Variants in ZNF385D observed in about 807,000 individuals in gnomAD.
ZNF385D encodes the protein zinc finger protein 385D, also known as zinc finger protein 659.
ZNF385D carries 15 observed loss-of-function variants against 35.8 expected under a neutral mutation model. That is an observed-to-expected ratio of 0.42 (90% CI 0.28 to 0.64). ZNF385D has a LOEUF of 0.64. Among genes scored for constraint, ZNF385D ranks in the 30% least tolerant of loss-of-function variants. ZNF385D has a pLI of 0.23. For missense variants in ZNF385D, 474 were observed against 494.6 expected (o/e 0.96, Z 0.39); for synonymous variants, 212 against 186.8 (o/e 1.13, Z -1.10).
intron 3 of ZNF385D, among the ~76,000 whole-genome samples, chr3:21,839,812 AT>A (rs1695553871): frequency 6.6e-6 from 1 of 151,848 alleles, no homozygotes; most frequent in South Asian, 2.1e-4. Context: ...CTTGACCCTC[AT>A]TACTCCCACA....
intron 3 of ZNF385D, among the ~76,000 whole-genome samples, chr3:22,084,720 G>C (rs986552810): frequency 1.3e-5 from 2 of 152,150 alleles, no homozygotes; most frequent in Non-Finnish European, 2.9e-5. Flanking sequence ...TCTGCACCAA[G>C]CAGACCTAAT....
intron 2 of ZNF385D, among the ~76,000 whole-genome samples, chr3:22,226,634 G>C (rs1316978915): frequency 6.6e-6 from 1 of 152,150 alleles, no homozygotes; most frequent in Admixed American, 6.5e-5. Flanking sequence ...GATATGCTTT[G>C]CTATGATATT....
intron 3 of ZNF385D, among the ~76,000 whole-genome samples, chr3:21,761,868 CCTT>C (rs2070626960): frequency 1.1e-4 from 11 of 102,920 alleles, no homozygotes; most frequent in African/African-American, 4.0e-4. Context: ...GCATTTTCTT[CCTT>C]TTTTTTTTTT....
chr3:21,430,379 A>C (rs1701237667), intron 5 of ZNF385D, among the ~76,000 whole-genome samples: 1 of 152,182 alleles, frequency 6.6e-6, no homozygotes, highest in African/African-American at 2.4e-5. Flanking sequence ...ACAGAGGAAA[A>C]AATAAGCATG....
At chr3:21,722,509 T>C (rs766765244) in intron 1 of ZNF385D, among the ~76,000 whole-genome samples, 13 of 152,204 alleles carry the variant, frequency 8.5e-5, no homozygotes, top group Non-Finnish European at 1.8e-4. Flanking sequence ...TCTAGGCTCC[T>C]CCTGCTAGAG....
intron 2 of ZNF385D, among the ~76,000 whole-genome samples, chr3:22,219,865 T>C (rs888127721): frequency 6.6e-5 from 10 of 152,262 alleles, no homozygotes; most frequent in African/African-American, 2.4e-4. Flanking sequence ...TTTTAGATCT[T>C]GGAATTGTAG....
intron 4 of ZNF385D, among the ~76,000 whole-genome samples, chr3:21,486,444 G>A (rs1705034213): frequency 6.6e-6 from 1 of 152,096 alleles, no homozygotes; most frequent in South Asian, 2.1e-4. Context: ...CCTCCATCCT[G>A]ATTACAAAGT....
intron 2 of ZNF385D, among the ~76,000 whole-genome samples, chr3:22,371,051 A>T (rs531397469): frequency 1.3e-5 from 2 of 152,238 alleles, no homozygotes; most frequent in Non-Finnish European, 2.9e-5. Flanking sequence ...TCTAAAAAAC[A>T]TCTGGAAAGA....
At chr3:21,699,297 A>G (rs1005180699) in intron 1 of ZNF385D, among the ~76,000 whole-genome samples, 19 of 151,938 alleles carry the variant, frequency 1.3e-4, no homozygotes, top group African/African-American at 3.6e-4. Flanking sequence ...ATGAGAACAC[A>G]TGGACACAGG....
At chr3:22,295,235 T>G (rs1330476226) in intron 2 of ZNF385D, among the ~76,000 whole-genome samples, 4 of 152,098 alleles carry the variant, frequency 2.6e-5, no homozygotes, top group Non-Finnish European at 4.4e-5. Context: ...TATAGTAAAA[T>G]ACTACTAAAA....
intron 3 of ZNF385D, among the ~76,000 whole-genome samples, chr3:22,058,344 C>T (rs544223163): frequency 6.6e-6 from 1 of 152,238 alleles, no homozygotes; most frequent in Admixed American, 6.5e-5. Flanking sequence ...CTATTGTCAA[C>T]AGTTGCCTCA....
chr3:22,131,872 C>A (rs911852114), intron 3 of ZNF385D, among the ~76,000 whole-genome samples: 3 of 152,074 alleles, frequency 2.0e-5, no homozygotes, highest in African/African-American at 7.2e-5. Context: ...GTCAGGGAAA[C>A]ATAATATGAT....
intron 3 of ZNF385D, among the ~76,000 whole-genome samples, chr3:21,815,906 G>T (rs1159876161): frequency 6.6e-6 from 1 of 152,112 alleles, no homozygotes; most frequent in Non-Finnish European, 1.5e-5. Flanking sequence ...CAATATCCCT[G>T]ATGAACATCG....
intron 3 of ZNF385D, among the ~76,000 whole-genome samples, chr3:21,873,090 G>A (rs968127151): frequency 1.3e-4 from 19 of 151,934 alleles, no homozygotes; most frequent in African/African-American, 3.9e-4. Context: ...TGGTACAAGT[G>A]GATTTTATAA....
At chr3:21,594,748 GTT>G (rs1431017183) in intron 2 of ZNF385D, among the ~76,000 whole-genome samples, 1 of 152,112 alleles carries the variant, frequency 6.6e-6, no homozygotes, top group African/African-American at 2.4e-5. Context: ...TTTTCAATAA[GTT>G]TAATCCTATG....
At chr3:22,231,445 C>T (rs1698883549) in intron 2 of ZNF385D, among the ~76,000 whole-genome samples, 1 of 152,142 alleles carries the variant, frequency 6.6e-6, no homozygotes, top group Admixed American at 6.5e-5. Context: ...AGTTAGTTTA[C>T]TGGGTGTCTT....
intron 2 of ZNF385D, among the ~76,000 whole-genome samples, chr3:22,177,838 G>T (rs535123797): frequency 4.6e-5 from 7 of 152,204 alleles, no homozygotes; most frequent in African/African-American, 1.7e-4. Context: ...ACGGTGGTTG[G>T]TTTTTTGTCC....
chr3:21,887,650 G>A (rs1698617913), intron 3 of ZNF385D, among the ~76,000 whole-genome samples: 3 of 152,018 alleles, frequency 2.0e-5, no homozygotes, highest in African/African-American at 7.2e-5. Flanking sequence ...GGTAATAAGA[G>A]TAACAAAGAT....
At chr3:22,177,815 T>C (rs1388356980) in intron 2 of ZNF385D, among the ~76,000 whole-genome samples, 2 of 152,322 alleles carry the variant, frequency 1.3e-5, no homozygotes, top group African/African-American at 2.4e-5. Flanking sequence ...TTCCCACCTA[T>C]GAGTGAGAAC....
Sources: allele counts gnomAD v4.1 joint callset (sites outside exome capture counted in the v4.1 genomes callset), GRCh38; gene constraint gnomAD v4.1.1; transcripts MANE v1.5; gene names NCBI Gene and HGNC (gene_info 2026-07-23, HGNC 2026-07-21).